Variants in MAML2 observed in about 807,000 individuals in gnomAD.
MAML2 encodes the protein mastermind like transcriptional coactivator 2.
A neutral mutation model predicts 96.1 loss-of-function variants in MAML2; 22 were observed. The observed-to-expected ratio is 0.23, with a 90% CI of 0.16 to 0.33. MAML2 has a LOEUF of 0.33. MAML2 is among the 10% of genes least tolerant of loss of function. The pLI is 1.00. For missense variants in MAML2, 1,367 were observed against 1,392.4 expected, an observed-to-expected ratio of 0.98 and a Z score of 0.29; for synonymous variants, 561 against 521.3, an observed-to-expected ratio of 1.08 and a Z score of -1.04.
chr11:96,256,316 T>G (rs1373924293), intron 1 of MAML2, among the ~76,000 whole-genome samples: 1 of 152,098 alleles, frequency 6.6e-6, no homozygotes, highest in East Asian at 1.9e-4. Context: ...CTGAATTCCA[T>G]TCCTCCCTGT....
rs145465907 is a variant in MAML2, at chr11:96,118,202, C to G, written c.514-24685G>C. ...CATGCTAAACTACAAGCTACTTGCA[C>G]GAAAAGACTGTCTTTTTCATCTGCA... On this transcript the variant is annotated intron_variant, in intron 1 of 4. Coordinates refer to ENST00000524717, the MANE Select transcript of MAML2 (RefSeq NM_032427.4). Among the ~76,000 whole-genome samples, 304 of 152,254 alleles carry G rather than the reference C, an allele frequency of 2.0e-3. 2 individuals carry two copies. Among genetic ancestry groups the G allele is most frequent in the Admixed American group, 5.5e-3 (84 of 15,300 alleles).
chr11:96,043,980 G>A (rs2135758963), intron 2 of MAML2, among the ~76,000 whole-genome samples: 1 of 152,256 alleles, frequency 6.6e-6, no homozygotes, highest in East Asian at 1.9e-4. Context: ...TCAATCAGGT[G>A]AGTAATGGCC....
chr11:96,130,770 A>ATTTTTT (rs35416611), intron 1 of MAML2, among the ~76,000 whole-genome samples: 1 of 147,460 alleles, frequency 6.8e-6, no homozygotes, highest in Non-Finnish European at 1.5e-5. Context: ...GTTTATTCTG[A>ATTTTTT]TTTTTTTTTT....
chr11:96,045,981 C>T (rs1858894743), intron 2 of MAML2, among the ~76,000 whole-genome samples: 1 of 139,732 alleles, frequency 7.2e-6, no homozygotes, highest in African/African-American at 2.7e-5. Context: ...GGTCTTATTT[C>T]TGAACGAAAG....
chr11:96,340,673 G>T (rs1052940625), intron 1 of MAML2, among the ~76,000 whole-genome samples: 51 of 152,312 alleles, frequency 3.3e-4, no homozygotes, highest in African/African-American at 1.2e-3. Context: ...TCTGCTTAAC[G>T]AATGCTCTAA....
intron 2 of MAML2, among the ~76,000 whole-genome samples, chr11:96,023,292 C>T (rs983332229): frequency 6.6e-6 from 1 of 152,272 alleles, no homozygotes; most frequent in African/African-American, 2.4e-5. Flanking sequence ...GGCATTGTTG[C>T]CATATGATGG....
intron 2 of MAML2, among the ~76,000 whole-genome samples, chr11:96,026,327 G>A (rs1208614419): frequency 2.0e-5 from 3 of 152,188 alleles, no homozygotes; most frequent in East Asian, 3.8e-4. Flanking sequence ...GTGAGTTCAT[G>A]AAACAACCCT....
At chr11:96,230,472 A>G (rs1862278148) in intron 1 of MAML2, among the ~76,000 whole-genome samples, 1 of 152,238 alleles carries the variant, frequency 6.6e-6, no homozygotes, top group African/African-American at 2.4e-5. Flanking sequence ...AGCAGCTGAA[A>G]TGTTAGAAGA....
At chr11:96,244,885 A>C (rs1004018093) in intron 1 of MAML2, among the ~76,000 whole-genome samples, 2 of 152,220 alleles carry the variant, frequency 1.3e-5, no homozygotes, top group Non-Finnish European at 2.9e-5. Context: ...ATTATTTGGA[A>C]AGACACAGTC....
intron 2 of MAML2, among the ~76,000 whole-genome samples, chr11:96,039,558 T>C: frequency 6.6e-6 from 1 of 152,164 alleles, no homozygotes; most frequent in Non-Finnish European, 1.5e-5. Context: ...GGAAGGTTTC[T>C]GACATGGCGC....
At chr11:96,085,634 T>C (rs1364128190) in intron 2 of MAML2, among the ~76,000 whole-genome samples, 1 of 152,194 alleles carries the variant, frequency 6.6e-6, no homozygotes, top group Non-Finnish European at 1.5e-5. Flanking sequence ...CTACACCCCT[T>C]CTTTCCCTAG....
intron 1 of MAML2, among the ~76,000 whole-genome samples, chr11:96,175,181 A>C (rs1016606275): frequency 2.6e-5 from 4 of 152,344 alleles, no homozygotes; most frequent in Non-Finnish European, 4.4e-5. Flanking sequence ...TTCTTCCTCT[A>C]CTGCTTATTT....
chr11:96,113,698 T>A (rs895754815), intron 1 of MAML2, among the ~76,000 whole-genome samples: 1 of 150,620 alleles, frequency 6.6e-6, no homozygotes, highest in African/African-American at 2.4e-5. Context: ...AAAAGAAAAA[T>A]AGGAGGCTTT....
intron 1 of MAML2, among the ~76,000 whole-genome samples, chr11:96,160,322 G>A (rs58237634): frequency 0.026 from 3,933 of 152,232 alleles, 170 homozygotes; most frequent in African/African-American, 0.088. Flanking sequence ...GAACCTGGCC[G>A]ACAGAATGGG....
chr11:96,339,564 G>T (rs1394267482), intron 1 of MAML2, among the ~76,000 whole-genome samples: 1 of 152,192 alleles, frequency 6.6e-6, no homozygotes, highest in African/African-American at 2.4e-5. Flanking sequence ...GACACCCCGG[G>T]CAGAGATCAG....
chr11:96,331,913 AAT>A (rs1435983109), intron 1 of MAML2, among the ~76,000 whole-genome samples: 5 of 152,144 alleles, frequency 3.3e-5, no homozygotes, highest in Non-Finnish European at 5.9e-5. Context: ...TAAATTGCAG[AAT>A]AGTGTCCTAT....
intron 1 of MAML2, among the ~76,000 whole-genome samples, chr11:96,140,943 G>A (rs1202577118): frequency 1.3e-5 from 2 of 152,312 alleles, no homozygotes; most frequent in East Asian, 1.9e-4. Flanking sequence ...CTCAGGACTA[G>A]GTTGGCCAGA....
chr11:96,116,016 A>C (rs1184133551), intron 1 of MAML2, among the ~76,000 whole-genome samples: 1 of 152,196 alleles, frequency 6.6e-6, no homozygotes, highest in Non-Finnish European at 1.5e-5. Context: ...CAAAGCTGGT[A>C]AACTTTTTTT....
chr11:96,253,033 A>C (rs1862607906), intron 1 of MAML2, among the ~76,000 whole-genome samples: 1 of 152,200 alleles, frequency 6.6e-6, no homozygotes, highest in South Asian at 2.1e-4. Context: ...CACAAAGTCA[A>C]GTGGCATGCC....
Sources: allele counts gnomAD v4.1 joint callset (sites outside exome capture counted in the v4.1 genomes callset), GRCh38; gene constraint gnomAD v4.1.1; transcripts MANE v1.5; gene names NCBI Gene and HGNC (gene_info 2026-07-23, HGNC 2026-07-21).